The following EPS15L1 variants were observed in gnomAD, a reference collection of about 807,000 sequenced individuals.
The protein encoded by EPS15L1 is epidermal growth factor receptor substrate 15-like 1.
A neutral mutation model predicts 117.1 loss-of-function variants in EPS15L1; 43 were observed. The ratio of observed to expected loss-of-function variants is 0.37; its 90% CI spans 0.29 to 0.47. The LOEUF (loss-of-function observed/expected upper bound fraction) is 0.47. Ranked by LOEUF, EPS15L1 falls within the 20% of genes least tolerant of loss-of-function variation. EPS15L1 has a pLI of 0.99. For missense variants in EPS15L1, 981 were observed against 1,164.0 expected, an observed-to-expected ratio of 0.84 and a Z score of 2.29; for synonymous variants, 459 against 470.5, an observed-to-expected ratio of 0.98 and a Z score of 0.32.
intron 7 of EPS15L1, 86 bp downstream of exon 7, chr19:16,434,279 G>C: frequency 6.6e-7 from 1 of 1,517,528 alleles, no homozygotes; most frequent in East Asian, 2.3e-5. Flanking sequence ...CAAGAGCCTT[G>C]TAAGCACCAT....
intron 1 of EPS15L1, among the ~76,000 whole-genome samples, chr19:16,448,533 C>T (rs960504008): frequency 4.7e-5 from 6 of 126,968 alleles, no homozygotes; most frequent in Non-Finnish European, 7.9e-5. Flanking sequence ...AGCAAAATTC[C>T]GTATTAAAAA....
chr19:16,392,466 A>C (rs1428334249), intron 18 of EPS15L1, 26 bp from the exon 19 acceptor site: 4 of 1,609,396 alleles, frequency 2.5e-6, no homozygotes, highest in Non-Finnish European at 3.4e-6. Flanking sequence ...CCCCATAAGT[A>C]AACATTATAC....
intron 1 of EPS15L1, among the ~76,000 whole-genome samples, chr19:16,450,473 T>C (rs1330579512): frequency 7.4e-6 from 1 of 135,304 alleles, no homozygotes; most frequent in African/African-American, 2.9e-5. Flanking sequence ...GGCATGTCCA[T>C]CTTCTTTTTT....
chr19:16,418,535 G>C (rs1188871829), intron 10 of EPS15L1, among the ~76,000 whole-genome samples: 1 of 152,206 alleles, frequency 6.6e-6, no homozygotes, highest in East Asian at 1.9e-4. Flanking sequence ...AATGGCCCCG[G>C]CTACTGGCCT....
chr19:16,434,542 G>A (rs2092960640), intron 6 of EPS15L1, 52 bp from the exon 7 acceptor site: 1 of 1,581,034 alleles, frequency 6.3e-7, no homozygotes, highest in Non-Finnish European at 8.6e-7. Flanking sequence ...CTGTGTGAAT[G>A]TCCAGACCGA....
chr19:16,428,145 G>A (rs985283211), intron 8 of EPS15L1, among the ~76,000 whole-genome samples: 6 of 149,454 alleles, frequency 4.0e-5, no homozygotes, highest in Admixed American at 3.4e-4. Flanking sequence ...AGGCTGCAGT[G>A]AACCAAGATT....
In EPS15L1 at chr19:16,370,497, G is replaced by A. The variant is rs2092207321; in HGVS notation, c.2380+6625C>T. Among the ~76,000 whole-genome samples the A allele has an allele frequency of 6.6e-6, 1 of 151,972 alleles. No individual in the cohort carries two copies. The highest frequency in any genetic ancestry group is 2.4e-5 in the African/African-American group (1 of 41,364). On this transcript the variant is annotated intron_variant, in intron 22 of 23. Transcript: ENST00000455140. The surrounding 1 kb of genome is among the most constrained non-coding windows in gnomAD (Gnocchi z 5.2). ...ACACCTATACTCAGATGCTGGGGTGGGAGCCCAGCCACTCTAGGCCTGCAC... is the reference window on the plus strand; with the variant it reads ...ACACCTATACTCAGATGCTGGGGTGAGAGCCCAGCCACTCTAGGCCTGCAC...
At chr19:16,425,008 G>A in intron 9 of EPS15L1, 75 bp downstream of exon 9, 1 of 1,254,270 alleles carries the variant, frequency 8.0e-7, no homozygotes, top group Non-Finnish European at 1.2e-6. Context: ...CCGTTCTGGG[G>A]TTGCATGTTA....
intron 15 of EPS15L1, among the ~76,000 whole-genome samples, chr19:16,403,101 C>G (rs2092619070): frequency 6.6e-6 from 1 of 152,202 alleles, no homozygotes; most frequent in Admixed American, 6.5e-5. Flanking sequence ...CCTGGCCACT[C>G]CGACACAGGC....
chr19:16,390,373 T>C (rs2092463660), intron 19 of EPS15L1, among the ~76,000 whole-genome samples: 1 of 152,202 alleles, frequency 6.6e-6, no homozygotes, highest in African/African-American at 2.4e-5. Flanking sequence ...CAAAACTTGA[T>C]CAAATTAAAG....
At chr19:16,463,972 G>C (rs2093277036) in intron 1 of EPS15L1, among the ~76,000 whole-genome samples, 3 of 152,216 alleles carry the variant, frequency 2.0e-5, no homozygotes, top group Admixed American at 2.0e-4. Context: ...AGAAAGAGGG[G>C]CCAGGGGGCC....
intron 2 of EPS15L1, 75 bp downstream of exon 2, chr19:16,442,103 G>C: frequency 6.6e-7 from 1 of 1,505,592 alleles, no homozygotes; most frequent in Non-Finnish European, 9.2e-7. Context: ...CCGCTCAGCC[G>C]GGCTTCTATT....
At chr19:16,453,092 G>A (rs1269303620) in intron 1 of EPS15L1, among the ~76,000 whole-genome samples, 1 of 151,476 alleles carries the variant, frequency 6.6e-6, no homozygotes, top group African/African-American at 2.4e-5. Flanking sequence ...GAGCCACCGC[G>A]CCCGGGCTTT....
intron 22 of EPS15L1, among the ~76,000 whole-genome samples, chr19:16,369,607 C>T (rs1034204545): frequency 1.3e-5 from 2 of 151,642 alleles, no homozygotes; most frequent in African/African-American, 4.9e-5. Flanking sequence ...GAGGTCACCA[C>T]AAAAGGCTCC....
At chr19:16,358,985 G>C (rs189805669) in intron 23 of EPS15L1, among the ~76,000 whole-genome samples, 1 of 152,182 alleles carries the variant, frequency 6.6e-6, no homozygotes, top group African/African-American at 2.4e-5. Context: ...AGGTTTCCCG[G>C]GAACAGCCAC....
At position 16,381,149 on chromosome 19, in the gene EPS15L1, C is replaced by T. The variant is rs1235528563; in HGVS notation, c.2248-3895G>A. ...ACGCCGCCCTCTGAAGCTGCCCAGG[C>T]AGGAGACACTCGCTCTGTGCTGATC... is the stretch of plus-strand genomic sequence containing the variant. On this transcript the variant is annotated intron_variant, in intron 21 of 23. Coordinates refer to ENST00000455140, the MANE Select transcript of EPS15L1 (RefSeq NM_001258374.3). This position sits in a 1 kb window ranked among gnomAD's most constrained non-coding sequence, Gnocchi z 4.2. 6.6e-6 allele frequency among the ~76,000 whole-genome samples: 1 copy of T among 152,274 alleles called. No individual in the cohort carries two copies. The highest frequency in any genetic ancestry group is 6.5e-5 in the Admixed American group (1 of 15,292).
chr19:16,459,400 G>A (rs997691866), intron 1 of EPS15L1, among the ~76,000 whole-genome samples: 6 of 152,194 alleles, frequency 3.9e-5, no homozygotes, highest in African/African-American at 1.4e-4. Flanking sequence ...TGCCTGGAGG[G>A]TGGAGGGATC....
intron 16 of EPS15L1, 50 bp downstream of exon 16, chr19:16,402,271 A>T (rs2092609155): frequency 6.5e-7 from 1 of 1,535,758 alleles, no homozygotes; most frequent in African/African-American, 1.4e-5. Flanking sequence ...TTCTGCTGTC[A>T]CACCAGGGGA....
chr19:16,468,881 T>C (rs1056669249), intron 1 of EPS15L1, among the ~76,000 whole-genome samples: 6 of 152,140 alleles, frequency 3.9e-5, no homozygotes, highest in Non-Finnish European at 8.8e-5. Flanking sequence ...CTGGGTATGA[T>C]TGGTGCTGCG....
Sources: allele counts gnomAD v4.1 joint callset (sites outside exome capture counted in the v4.1 genomes callset), GRCh38; gene constraint gnomAD v4.1.1; non-coding constraint Gnocchi (gnomAD v3.1); transcripts MANE v1.5; gene names NCBI Gene and HGNC (gene_info 2026-07-23, HGNC 2026-07-21).